The following CNTNAP4 variants were observed in gnomAD, a reference collection of about 807,000 sequenced individuals.
The protein encoded by CNTNAP4 is contactin associated protein family member 4, also known as contactin-associated protein-like 4.
In CNTNAP4, 98 loss-of-function variants were observed where a neutral mutation model predicts 148.4. The observed-to-expected ratio is 0.66, with a 90% CI of 0.56 to 0.78. The LOEUF (loss-of-function observed/expected upper bound fraction) is 0.78, where lower values mean the gene tolerates loss of function less well. CNTNAP4 is among the 30% of genes least tolerant of loss of function. The pLI, the probability that CNTNAP4 is intolerant of heterozygous loss-of-function variation, is 0.00. For synonymous variants in CNTNAP4, 730 were observed against 565.1 expected, an observed-to-expected ratio of 1.29 and a Z score of -4.14; for missense variants, 1,935 against 1,565.6, an observed-to-expected ratio of 1.24 and a Z score of -3.98.
intron 23 of CNTNAP4, chr16:76,557,538 G>T (rs1312969493): frequency 6.6e-6 from 1 of 152,132 alleles, no homozygotes; most frequent in Non-Finnish European, 1.5e-5. Flanking sequence ...ATTAAATGAA[G>T]AGTTTTTACA....
At chr16:76,535,920 T>G in intron 18 of CNTNAP4, 136 bp downstream of exon 18, 2 of 874,764 alleles carry the variant, frequency 2.3e-6, no homozygotes, top group South Asian at 3.5e-5. Context: ...ATCTGTTGAA[T>G]GTAAAGAATG....
rs1597043632 is a variant in CNTNAP4, at chr16:76,521,153, T to A, written c.2379T>A (p.Asn793Lys). The A allele has an allele frequency of 6.3e-7, 1 of 1,587,392 alleles. No homozygotes were observed. The change falls in exon 16 of 24, where the codon AAT becomes AAA. Residue 793 changes from asparagine to lysine, a missense_variant. By Grantham distance (94) the Asn-to-Lys change is moderately conservative. Coordinates refer to ENST00000611870, the MANE Select transcript of CNTNAP4 (RefSeq NM_033401.5). ...LLCQGDRSFW[N>K]SASFDTEASY... is the part of the protein sequence containing the mutation. Reference sequence around the variant, plus strand: ...TTCACAAAACAGGATCATTTTGGAATTCAGCTTCCTTTGATACCGAGGCTT... The same window carrying A: ...TTCACAAAACAGGATCATTTTGGAAATCAGCTTCCTTTGATACCGAGGCTT...
intron 3 of CNTNAP4, among the ~76,000 whole-genome samples, chr16:76,368,304 G>T (rs2014395338): frequency 6.6e-6 from 1 of 152,144 alleles, no homozygotes; most frequent in South Asian, 2.1e-4. Flanking sequence ...GCTTTTACAT[G>T]TGGTAGCTAC....
chr16:76,452,815 T>A lies in CNTNAP4; in HGVS notation c.1333+46T>A, dbSNP rs377156180. On this transcript the variant is annotated intron_variant, in intron 8 of 23. Coordinates refer to ENST00000611870, the MANE Select transcript of CNTNAP4 (RefSeq NM_033401.5). ...GGCAAAGCATATGGATTTGAAAGAT[T>A]TCATTATCTCTGTGGCCAAATTTTA... The A allele has an allele frequency of 7.5e-6, 11 of 1,469,636 alleles. No individual in the cohort carries two copies. In the African/African-American group the frequency reaches 1.4e-4, roughly 19 times the overall value. 91.0% of individuals were successfully genotyped at this position (1,469,636 alleles called of 1,614,324 possible).
At chr16:76,451,832 T>G (rs2080493900) in intron 7 of CNTNAP4, among the ~76,000 whole-genome samples, 1 of 152,166 alleles carries the variant, frequency 6.6e-6, no homozygotes, top group Non-Finnish European at 1.5e-5. Context: ...GTAGGGCGAC[T>G]ATAGTTAATA....
intron 3 of CNTNAP4, among the ~76,000 whole-genome samples, chr16:76,405,059 G>A (rs1170123461): frequency 6.6e-6 from 1 of 152,044 alleles, no homozygotes; most frequent in Non-Finnish European, 1.5e-5. Context: ...TATGATAAAT[G>A]CATGTATTTC....
chr16:76,406,568 G>A (rs556265277), intron 3 of CNTNAP4, among the ~76,000 whole-genome samples: 10 of 152,138 alleles, frequency 6.6e-5, no homozygotes, highest in Admixed American at 5.9e-4. Flanking sequence ...ATTTAGCCAA[G>A]TTGTGAATGC....
intron 2 of CNTNAP4, among the ~76,000 whole-genome samples, chr16:76,326,710 AAC>A (rs1963013137): frequency 6.6e-6 from 1 of 151,692 alleles, no homozygotes; most frequent in Admixed American, 6.6e-5. Flanking sequence ...AAAAAAACCA[AAC>A]ACTGCATGTT....
At chr16:76,456,125 A>G (rs1157878760) in intron 8 of CNTNAP4, among the ~76,000 whole-genome samples, 5 of 152,108 alleles carry the variant, frequency 3.3e-5, no homozygotes, top group Non-Finnish European at 5.9e-5. Context: ...GGCATTGTCA[A>G]TGTTTTCCAT....
chr16:76,522,163 G>A lies in CNTNAP4; in HGVS notation c.2661G>A (p.Glu887=). 1 of 1,613,922 alleles carries A rather than the reference G, an allele frequency of 6.2e-7. No individual in the cohort carries two copies. Among genetic ancestry groups the A allele is most frequent in the Non-Finnish European group, 8.5e-7 (1 of 1,179,882 alleles). ...TGAGGGTTGAAAGGAACATGAAGGA[G>A]GCCTCCCTTCAAGTGGATCAGCTGA... ...HHVRVERNMK[E]ASLQVDQLTP... is the part of the protein sequence containing the mutation. The change falls in exon 17 of 24, where the codon GAG becomes GAA. Residue 887 remains glutamate, a synonymous_variant. Transcript: ENST00000611870.
intron 2 of CNTNAP4, among the ~76,000 whole-genome samples, chr16:76,329,248 T>C (rs1483951219): frequency 6.6e-6 from 1 of 152,150 alleles, no homozygotes; most frequent in East Asian, 1.9e-4. Context: ...TGTTTAGGCA[T>C]CCATAATTAT....
At chr16:76,499,980 A>G (rs2082562930) in intron 15 of CNTNAP4, among the ~76,000 whole-genome samples, 2 of 152,098 alleles carry the variant, frequency 1.3e-5, no homozygotes, top group African/African-American at 4.8e-5. Flanking sequence ...CACAGTAACA[A>G]TCTGATCTCT....
chr16:76,382,551 C>G (rs942360301), intron 3 of CNTNAP4, among the ~76,000 whole-genome samples: 16 of 151,974 alleles, frequency 1.1e-4, no homozygotes, highest in African/African-American at 3.9e-4. Context: ...AAAAAAGAAG[C>G]AAATCTAAAA....
intron 3 of CNTNAP4, among the ~76,000 whole-genome samples, chr16:76,420,427 G>A (rs1224842008): frequency 6.6e-6 from 1 of 151,824 alleles, no homozygotes; most frequent in African/African-American, 2.4e-5. Context: ...CACTTTTACA[G>A]GCAACCAGAA....
chr16:76,313,514 T>C (rs1020105766), intron 1 of CNTNAP4, among the ~76,000 whole-genome samples: 1 of 152,186 alleles, frequency 6.6e-6, no homozygotes, highest in Non-Finnish European at 1.5e-5. Flanking sequence ...CCTTCACCAC[T>C]CCATGGGTTG....
At chr16:76,359,784 C>G (rs1303434315) in intron 3 of CNTNAP4, among the ~76,000 whole-genome samples, 1 of 152,094 alleles carries the variant, frequency 6.6e-6, no homozygotes, top group Non-Finnish European at 1.5e-5. Flanking sequence ...TCCTCAACAT[C>G]TATAATAAAA....
At chr16:76,302,260 C>T in intron 1 of CNTNAP4, among the ~76,000 whole-genome samples, 1 of 152,140 alleles carries the variant, frequency 6.6e-6, no homozygotes, top group African/African-American at 2.4e-5. Flanking sequence ...CAAAATTAAC[C>T]CTTCACTTCA....
chr16:76,295,554 T>C (rs923152195), intron 1 of CNTNAP4, among the ~76,000 whole-genome samples: 2 of 151,890 alleles, frequency 1.3e-5, no homozygotes, highest in African/African-American at 4.8e-5. Flanking sequence ...GTGAACTAAC[T>C]CCTGTAAAAA....
intron 19 of CNTNAP4, among the ~76,000 whole-genome samples, chr16:76,539,002 C>G (rs904275068): frequency 6.6e-6 from 1 of 151,938 alleles, no homozygotes; most frequent in African/African-American, 2.4e-5. Context: ...TCAACTGATT[C>G]AAATATATCC....
Sources: gnomAD v4.1 joint callset for allele counts (sites outside exome capture counted in the v4.1 genomes callset) on GRCh38, gnomAD v4.1.1 for gene constraint, MANE v1.5 for transcripts, NCBI Gene and HGNC (gene_info 2026-07-23, HGNC 2026-07-21) for gene names.